URB1: variants seen among roughly 807,000 people sequenced by gnomAD.
URB1 encodes the protein nucleolar pre-ribosomal-associated protein 1.
URB1 carries 197 observed loss-of-function variants against 242.3 expected under a neutral mutation model. The ratio of observed to expected loss-of-function variants is 0.81; its 90% CI spans 0.72 to 0.91. URB1 has a LOEUF of 0.91. URB1 is among the 40% of genes least tolerant of loss of function. The probability of loss-of-function intolerance (pLI) is 0.00; values close to 1 mark genes in which losing one functional copy is unlikely to be tolerated. For synonymous variants in URB1, 1,153 were observed against 1,201.8 expected, an observed-to-expected ratio of 0.96 and a Z score of 0.84; for missense variants, 2,721 against 2,860.5, an observed-to-expected ratio of 0.95 and a Z score of 1.11.
Position 32,344,649 on chromosome 21 carries a change from G to A in URB1, c.4178C>T (p.Ser1393Phe). The change falls in exon 24 of 39, where the codon TCT becomes TTT. Residue 1393 changes from serine (S) to phenylalanine (F), a missense_variant. Transcript: ENST00000382751. ...ATCATCTTGCTGTCCACCACTGAAA[G>A]ACACGATCAGCCACTTCACACAGGA... ...LESCVKWLIV[S>F]FSGGQQDDDN... 1 of 1,552,344 alleles carries A rather than the reference G, an allele frequency of 6.4e-7. No individual in the cohort carries two copies. Among genetic ancestry groups the A allele is most frequent in the Admixed American group, 2.0e-5 (1 of 51,002 alleles).
intron 4 of URB1, among the ~76,000 whole-genome samples, chr21:32,379,117 A>G (rs2033493230): frequency 1.3e-5 from 2 of 152,234 alleles, no homozygotes; most frequent in African/African-American, 4.8e-5. Flanking sequence ...CACTGTCCAC[A>G]TGCATCAGCC....
At chr21:32,381,975 T>C (rs1568833335) in intron 4 of URB1, among the ~76,000 whole-genome samples, 1 of 152,352 alleles carries the variant, frequency 6.6e-6, no homozygotes, top group East Asian at 1.9e-4. Flanking sequence ...TATTACAGAT[T>C]ACACAATGAA....
intron 24 of URB1, among the ~76,000 whole-genome samples, chr21:32,341,786 TATTA>T (rs1204351811): frequency 6.6e-6 from 1 of 152,210 alleles, no homozygotes; most frequent in Non-Finnish European, 1.5e-5. Flanking sequence ...CATACAAATT[TATTA>T]ATGTGCGTGG....
In URB1 at chr21:32,346,971, T is replaced by A. The variant is rs1203383732; in HGVS notation, c.3853A>T (p.Thr1285Ser). The A allele has an allele frequency of 6.6e-7, 1 of 1,513,362 alleles. No individual in the cohort carries two copies. The highest frequency in any genetic ancestry group is 1.2e-5 in the South Asian group (1 of 80,174). The allele number at this position is 1,513,362 out of a possible 1,614,324, so 93.7% of individuals were successfully genotyped here. ...YLQCRTRSHF[T>S]RPAGVSSAVI... ...TTTCCCTTACCTCCTGCTGGGCGTG[T>A]GAAGTGGCTCCGTGTCCTGCACTGG... is the stretch of plus-strand genomic sequence containing the variant. The change falls in exon 22 of 39, where the codon ACA becomes TCA. Residue 1285 changes from threonine (T) to serine (S), a missense_variant. By Grantham distance (58) the Thr-to-Ser change is moderately conservative. Transcript: ENST00000382751.
In URB1 at chr21:32,345,438, T is replaced by C. The variant is rs1469288454; in HGVS notation, c.4006A>G (p.Lys1336Glu). The C allele has an allele frequency of 2.6e-6, 4 of 1,551,342 alleles. No homozygotes were observed. Among genetic ancestry groups the C allele is most frequent in the African/African-American group, 1.4e-5 (1 of 72,954 alleles). Residue 1336 changes from lysine (K) to glutamate (E), a missense_variant, in exon 23 of 39, where the codon AAG (lysine) becomes GAG (glutamate). By Grantham distance (56) the Lys-to-Glu change is moderately conservative (BLOSUM62 1). Transcript: ENST00000382751. ...LAQLVPFARAKDLSVLMDRLP... is the reference protein window; with the variant it reads ...LAQLVPFARAEDLSVLMDRLP... ...CGGTCCATGAGTACACTGAGATCCT[T>C]GGCTCGTGCAAACGGGACCAGCTGT...
In URB1 at chr21:32,359,824, G is replaced by A. The variant is rs1223775902; in HGVS notation, c.1841C>T (p.Ala614Val). 2 of 1,546,920 alleles carry A rather than the reference G, an allele frequency of 1.3e-6. No individual in the cohort carries two copies. The highest frequency in any genetic ancestry group is 1.7e-6 in the Non-Finnish European group (2 of 1,145,284). ...TGCCTTTAACCACAGAAACTTGCTG[G>A]CCGGCAGCTCCAGGGCCACCTTCAG... Reference protein sequence around the residue: ...HMLKVALELPASKFLWLKAQE... With the variant: ...HMLKVALELPVSKFLWLKAQE... The change falls in exon 14 of 39, where the codon GCC becomes GTC. Residue 614 changes from alanine to valine, a missense_variant. Coordinates refer to ENST00000382751, the MANE Select transcript of URB1 (RefSeq NM_014825.3).
At chr21:32,339,543 T>C (rs1194888101) in intron 25 of URB1, among the ~76,000 whole-genome samples, 1 of 150,800 alleles carries the variant, frequency 6.6e-6, no homozygotes, top group Non-Finnish European at 1.5e-5. Context: ...TAGGCTGGAG[T>C]GCAGTGGCAT....
rs2032711196 is a variant in URB1, at chr21:32,317,786, G to A, written c.5924C>T (p.Thr1975Ile). The A allele has an allele frequency of 1.9e-6, 3 of 1,551,988 alleles. No individual in the cohort carries two copies. In the East Asian group the frequency reaches 7.3e-5, roughly 38 times the overall value. Residue 1975 changes from threonine (T) to isoleucine (I), a missense_variant, in exon 37 of 39, where the codon ACC becomes ATC. Coordinates refer to ENST00000382751, the MANE Select transcript of URB1 (RefSeq NM_014825.3). ...GTGCAAGAGGACAAGGACGTCCTTG[G>A]TGGAAAGCACTGTCTCATTTACGGT... is the stretch of plus-strand genomic sequence containing the variant. ...RFTVNETVLS[T>I]KDVLVLLHKW... is the part of the protein sequence containing the mutation.
Position 32,374,354 on chromosome 21 carries a change from T to C in URB1, c.751-582A>G, listed in dbSNP as rs147679910. 1.8e-3 allele frequency among the ~76,000 whole-genome samples: 278 copies of C among 152,286 alleles called. 1 individual carries two copies. Among genetic ancestry groups the C allele is most frequent in the Non-Finnish European group, 2.4e-3 (163 of 68,018 alleles). Reference sequence around the variant, plus strand: ...CCCAAACCTAACCCCAGAATCCCTATGGGTGTGGCCCAGGTATATATATTT... The same window carrying C: ...CCCAAACCTAACCCCAGAATCCCTACGGGTGTGGCCCAGGTATATATATTT... On this transcript the variant is annotated intron_variant, in intron 6 of 38. Transcript: ENST00000382751.
chr21:32,373,710 C>G lies in URB1; in HGVS notation c.813G>C (p.Leu271Phe). ...QKVRFFTGQL[L>F]NHIASLYNWN... The stretch of plus-strand genomic sequence containing the variant: ...AGTTGTACAGCGATGCTATGTGGTT[C>G]AATAACTGCCCCGTAAAGAAACGCA... The change falls in exon 7 of 39, where the codon TTG (leucine) becomes TTC (phenylalanine). Residue 271 changes from leucine to phenylalanine, a missense_variant. Coordinates refer to ENST00000382751, the MANE Select transcript of URB1 (RefSeq NM_014825.3). The G allele has an allele frequency of 6.5e-7, 1 of 1,549,586 alleles. No homozygotes were observed. Among genetic ancestry groups the G allele is most frequent in the Middle Eastern group, 1.7e-4 (1 of 5,988 alleles).
chr21:32,368,938 C>A (rs1453935864), intron 8 of URB1, among the ~76,000 whole-genome samples: 1 of 152,180 alleles, frequency 6.6e-6, no homozygotes, highest in African/African-American at 2.4e-5. Context: ...ACCAGTCTGC[C>A]TAGAAGTCAA....
In URB1 at chr21:32,325,204, T is replaced by A. The variant is rs540224138; in HGVS notation, c.5121+25A>T. 8.5e-6 allele frequency: 13 copies of A among 1,532,806 alleles called. No individual in the cohort carries two copies. In the East Asian group the frequency reaches 2.5e-4, roughly 29 times the overall value. The allele number at this position is 1,532,806 out of a possible 1,614,324, so 95.0% of individuals were successfully genotyped here. A position where few individuals can be genotyped will look rare whatever the true frequency, so the allele number is the denominator to read the frequency against. ...AAGTCCGCCAGGCCCACCCCCACAG[T>A]AGGATGTACGCTCTTCCTACTTACC... On this transcript the variant is annotated intron_variant, in intron 31 of 38. Transcript: ENST00000382751.
At chr21:32,318,625 A>G (rs2123540980) in intron 36 of URB1, among the ~76,000 whole-genome samples, 1 of 152,364 alleles carries the variant, frequency 6.6e-6, no homozygotes, top group Admixed American at 6.5e-5. Context: ...TCCGGTTAGC[A>G]TAACTTGGCT....
intron 28 of URB1, among the ~76,000 whole-genome samples, chr21:32,336,692 CAA>C (rs201813562): frequency 6.6e-6 from 1 of 150,528 alleles, no homozygotes; most frequent in Non-Finnish European, 1.5e-5. Flanking sequence ...CACATACAGA[CAA>C]AAAAAAAGAG....
At position 32,347,242 on chromosome 21, in the gene URB1, G is replaced by A. The variant is rs751169877; in HGVS notation, c.3582C>T (p.Asp1194=). 8.4e-6 allele frequency: 13 copies of A among 1,550,720 alleles called. 1 individual carries two copies. The highest frequency in any genetic ancestry group is 3.3e-4 in the Middle Eastern group (2 of 6,010). The stretch of plus-strand genomic sequence containing the variant: ...TGTGGAGGAGCACTGTGTCCAGCTC[G>A]TCCACTGCTAGCGTGGGCAGCAGAG... The part of the protein sequence containing the change: ...LGALLPTLAV[D]ELDTVLLHTL... Residue 1194 remains aspartate (D), a synonymous_variant, in exon 22 of 39, where the codon GAC becomes GAT. Transcript: ENST00000382751.
intron 4 of URB1, among the ~76,000 whole-genome samples, chr21:32,382,036 G>A (rs2033532515): frequency 6.6e-6 from 1 of 152,210 alleles, no homozygotes; most frequent in South Asian, 2.1e-4. Context: ...AGATCCTGGA[G>A]AGGTAAAATA....
intron 4 of URB1, among the ~76,000 whole-genome samples, chr21:32,380,941 A>G (rs1229895887): frequency 6.6e-6 from 1 of 152,164 alleles, no homozygotes; most frequent in Non-Finnish European, 1.5e-5. Context: ...GGGTCCCTCC[A>G]GCAATGAATT....
rs1601127430 is a variant in URB1 at position 32,333,380 on chromosome 21, C to A, written c.4897G>T (p.Asp1633Tyr). 5.2e-6 allele frequency: 8 copies of A among 1,551,688 alleles called. No individual in the cohort carries two copies. Among genetic ancestry groups the A allele is most frequent in the Non-Finnish European group, 7.0e-6 (8 of 1,146,994 alleles). Residue 1633 changes from aspartate to tyrosine, a missense_variant, in exon 30 of 39, where the codon GAT (aspartate) becomes TAT (tyrosine). Physicochemically the swap from Asp to Tyr is radical, Grantham distance 160 (BLOSUM62 -3). Coordinates refer to ENST00000382751, the MANE Select transcript of URB1 (RefSeq NM_014825.3). The stretch of plus-strand genomic sequence containing the variant: ...CAGGGGTCATAGAGGCCATCAAGAT[C>A]CACCCTGCTTTTGTCTTTGAATATC... The part of the protein sequence containing the change: ...ELIFKDKSRV[D>Y]LDGLYDPCFL...
intron 23 of URB1, among the ~76,000 whole-genome samples, chr21:32,344,985 G>T (rs896656169): frequency 1.3e-5 from 2 of 152,138 alleles, no homozygotes; most frequent in African/African-American, 4.8e-5. Flanking sequence ...AAAAGGACAC[G>T]TATGTCCAGA....
Sources: allele counts gnomAD v4.1 joint callset (sites outside exome capture counted in the v4.1 genomes callset), GRCh38; gene constraint gnomAD v4.1.1; transcripts MANE v1.5; gene names NCBI Gene and HGNC (gene_info 2026-07-23, HGNC 2026-07-21).